Variants in MYO3A observed in about 807,000 individuals in gnomAD.
The protein encoded by MYO3A is myosin-IIIa.
In MYO3A, 180 loss-of-function variants were observed where a neutral mutation model predicts 192.7. The observed-to-expected ratio is 0.93, with a 90% CI of 0.83 to 1.06. The LOEUF (loss-of-function observed/expected upper bound fraction) is 1.06, where lower values mean the gene tolerates loss of function less well. Ranked by LOEUF, MYO3A falls within the 50% of genes least tolerant of loss-of-function variation. MYO3A has a pLI of 0.00. For missense variants in MYO3A, 1,896 were observed against 1,905.0 expected (o/e 1.00, Z 0.09); for synonymous variants, 628 against 645.3 (o/e 0.97, Z 0.41).
chr10:26,133,550 TGTG>T (rs1246319000), intron 20 of MYO3A, among the ~76,000 whole-genome samples: 2 of 152,250 alleles, frequency 1.3e-5, no homozygotes, highest in Non-Finnish European at 2.9e-5. Context: ...TGTGGGGATT[TGTG>T]GTACTTATTT....
intron 10 of MYO3A, among the ~76,000 whole-genome samples, chr10:26,028,039 G>A (rs555846666): frequency 1.3e-5 from 2 of 152,310 alleles, no homozygotes; most frequent in East Asian, 1.9e-4. Flanking sequence ...GTTGGAAGAA[G>A]TGAATAAGAC....
At chr10:26,199,461 G>C (rs1843578096) in intron 32 of MYO3A, among the ~76,000 whole-genome samples, 1 of 152,000 alleles carries the variant, frequency 6.6e-6, no homozygotes, top group Non-Finnish European at 1.5e-5. Flanking sequence ...GCTAAGGTGG[G>C]AGGATCACTA....
intron 32 of MYO3A, among the ~76,000 whole-genome samples, chr10:26,193,559 G>C (rs1843257281): frequency 6.6e-6 from 1 of 152,078 alleles, no homozygotes; most frequent in African/African-American, 2.4e-5. Flanking sequence ...TTTCTCTGCT[G>C]GTCCATTAAT....
intron 2 of MYO3A, among the ~76,000 whole-genome samples, chr10:25,941,760 C>G (rs760926233): frequency 1.3e-5 from 2 of 152,048 alleles, no homozygotes; most frequent in African/African-American, 4.8e-5. Flanking sequence ...AACAAAATTC[C>G]TGTTCTCTCT....
chr10:26,145,372 T>A (rs549695007), intron 21 of MYO3A, 74 bp from the exon 22 acceptor site: 1 of 1,034,614 alleles, frequency 9.7e-7, no homozygotes, highest in African/African-American at 1.6e-5. Flanking sequence ...GTCCTTTTTA[T>A]GGTAAATAAT....
At chr10:26,197,450 A>G (rs1414136102) in intron 32 of MYO3A, among the ~76,000 whole-genome samples, 1 of 152,216 alleles carries the variant, frequency 6.6e-6, no homozygotes, top group Non-Finnish European at 1.5e-5. Flanking sequence ...TTTCATTTGT[A>G]TCTATACTTA....
In MYO3A at chr10:26,173,810, C is replaced by T. The variant is rs756319426; in HGVS notation, c.3546C>T (p.Asn1182=). ...EEETTNAVES[N]NRVYQTPKKM... ...AAACCACCAATGCTGTGGAGAGTAA[C>T]AACAGAGTGTATCAGACTCCAAAAA... The change falls in exon 30 of 35, where the codon AAC becomes AAT. Residue 1182 remains asparagine (N), a synonymous_variant. Coordinates refer to ENST00000642920, the MANE Select transcript of MYO3A (RefSeq NM_017433.5). The T allele has an allele frequency of 9.9e-6, 16 of 1,613,902 alleles. No homozygotes were observed. The highest frequency in any genetic ancestry group is 1.4e-5 in the Non-Finnish European group (16 of 1,180,014).
At chr10:25,956,675 G>T (rs758040279) in intron 4 of MYO3A, among the ~76,000 whole-genome samples, 6 of 151,610 alleles carry the variant, frequency 4.0e-5, no homozygotes, top group Admixed American at 6.6e-5. Context: ...GAAAATATTT[G>T]ATCCTATTAA....
At chr10:26,080,694 A>C (rs1362018594) in intron 14 of MYO3A, among the ~76,000 whole-genome samples, 1 of 151,684 alleles carries the variant, frequency 6.6e-6, no homozygotes, top group Non-Finnish European at 1.5e-5. Context: ...TATCAGAGGG[A>C]AAGTCTAGGG....
At chr10:26,128,309 A>G (rs2131747014) in intron 19 of MYO3A, 82 bp from the exon 20 acceptor site, 6 of 1,451,760 alleles carry the variant, frequency 4.1e-6, no homozygotes, top group Non-Finnish European at 5.8e-6. Context: ...TAGCTCAGTC[A>G]CAAATGGTAA....
chr10:26,019,089 GT>G (rs1318136225), intron 7 of MYO3A, among the ~76,000 whole-genome samples: 1 of 151,616 alleles, frequency 6.6e-6, no homozygotes, highest in Non-Finnish European at 1.5e-5. Context: ...CATCACAAAC[GT>G]TTTTGCTCCC....
At chr10:26,147,917 C>T (rs145045965) in intron 23 of MYO3A, among the ~76,000 whole-genome samples, 6 of 152,164 alleles carry the variant, frequency 3.9e-5, no homozygotes, top group African/African-American at 1.2e-4. Flanking sequence ...GGTGGGCTCT[C>T]TTATTGATTA....
chr10:26,194,754 C>T (rs1025518662), intron 32 of MYO3A, among the ~76,000 whole-genome samples: 2 of 152,174 alleles, frequency 1.3e-5, no homozygotes, highest in African/African-American at 4.8e-5. Flanking sequence ...CCATTAGCTA[C>T]TACAACCTCA....
intron 29 of MYO3A, among the ~76,000 whole-genome samples, chr10:26,171,837 A>G (rs1842061444): frequency 6.6e-6 from 1 of 152,212 alleles, no homozygotes; most frequent in African/African-American, 2.4e-5. Context: ...TCTAGAAATT[A>G]CTGCTTGTAG....
rs1839149200 is a variant in MYO3A at position 26,125,284 on chromosome 10, TCTC to T, written c.1904-112_1904-110del. 3.3e-6 allele frequency: 3 copies of T among 916,536 alleles called. No homozygotes were observed. The East Asian group carries it at 7.9e-5, about 24-fold the overall frequency. 56.8% of individuals were successfully genotyped at this position (916,536 alleles called of 1,614,324 possible). On this transcript the variant is annotated intron_variant, in intron 18 of 34. Transcript: ENST00000642920. ...AGTATCATATTTTTACATTACATAA[TCTC>T]CACACATTTAATTCATGTCATTTGA...
At chr10:26,104,275 T>G (rs1247071024) in intron 17 of MYO3A, among the ~76,000 whole-genome samples, 1 of 152,170 alleles carries the variant, frequency 6.6e-6, no homozygotes, top group Non-Finnish European at 1.5e-5. Flanking sequence ...TAATCCAAGG[T>G]CACAAAGATT....
intron 4 of MYO3A, among the ~76,000 whole-genome samples, chr10:25,991,251 C>G: frequency 6.6e-6 from 1 of 152,220 alleles, no homozygotes; most frequent in East Asian, 1.9e-4. Context: ...GTTTGCATTT[C>G]TCTAATGGCC....
chr10:25,955,037 T>C (rs1837452895), intron 4 of MYO3A, 29 bp downstream of exon 4: 1 of 1,610,388 alleles, frequency 6.2e-7, no homozygotes, highest in East Asian at 2.2e-5. Flanking sequence ...TTTGTATGGG[T>C]GGAAACTTAG....
intron 20 of MYO3A, 46 bp from the exon 21 acceptor site, chr10:26,143,402 A>C (rs1840278581): frequency 1.9e-6 from 3 of 1,553,498 alleles, no homozygotes; most frequent in Non-Finnish European, 2.7e-6. Context: ...ATTACTATGA[A>C]GCTATATATT....
Sources: allele counts gnomAD v4.1 joint callset (sites outside exome capture counted in the v4.1 genomes callset), GRCh38; gene constraint gnomAD v4.1.1; transcripts MANE v1.5; gene names NCBI Gene and HGNC (gene_info 2026-07-23, HGNC 2026-07-21).